Variants in GLCCI1 observed in about 807,000 individuals in gnomAD.
GLCCI1 encodes glucocorticoid induced 1.
A neutral mutation model predicts 52.2 loss-of-function variants in GLCCI1; 24 were observed. The ratio of observed to expected loss-of-function variants is 0.46; its 90% CI spans 0.33 to 0.65. The LOEUF (loss-of-function observed/expected upper bound fraction) is 0.65, where lower values mean the gene tolerates loss of function less well. Among genes scored for constraint, GLCCI1 ranks in the 30% least tolerant of loss-of-function variants. The probability of loss-of-function intolerance (pLI) is 0.02; values close to 1 mark genes in which losing one functional copy is unlikely to be tolerated. For synonymous variants in GLCCI1, 310 were observed against 276.5 expected (o/e 1.12, Z -1.20); for missense variants, 704 against 701.5 (o/e 1.00, Z -0.04).
intron 2 of GLCCI1, among the ~76,000 whole-genome samples, chr7:8,010,628 A>T (rs1315610227): frequency 6.6e-6 from 1 of 152,226 alleles, no homozygotes; most frequent in Non-Finnish European, 1.5e-5. Context: ...TTGTTTTAAA[A>T]ATAATGCTTT....
At chr7:8,050,205 C>T (rs1343796321) in intron 3 of GLCCI1, among the ~76,000 whole-genome samples, 1 of 152,040 alleles carries the variant, frequency 6.6e-6, no homozygotes, top group Non-Finnish European at 1.5e-5. Flanking sequence ...AGATGACCCT[C>T]CCTGTGTATA....
In GLCCI1 at chr7:8,070,962, T is replaced by C; in HGVS notation, c.1008T>C (p.Ala336=). 1.9e-6 allele frequency: 3 copies of C among 1,614,194 alleles called. No homozygotes were observed. Among genetic ancestry groups the C allele is most frequent in the Non-Finnish European group, 2.5e-6 (3 of 1,180,028 alleles). The part of the protein sequence containing the change: ...IPDGRRAPLP[A]HYRSSSTRSI... ...ATGGTCGAAGAGCTCCACTTCCTGCTCATTACCGGAGCAGTAGTACTCGCA... is the reference window on the plus strand; with the variant it reads ...ATGGTCGAAGAGCTCCACTTCCTGCCCATTACCGGAGCAGTAGTACTCGCA... Residue 336 remains alanine (A), a synonymous_variant, in exon 6 of 8, where the codon GCT becomes GCC. Transcript: ENST00000223145.
At chr7:8,052,295 G>C (rs1170360909) in intron 3 of GLCCI1, among the ~76,000 whole-genome samples, 2 of 152,128 alleles carry the variant, frequency 1.3e-5, no homozygotes, top group Non-Finnish European at 2.9e-5. Flanking sequence ...CCTAGGGCAG[G>C]TTATCTTTAA....
At chr7:8,067,077 C>T (rs772856256) in intron 5 of GLCCI1, among the ~76,000 whole-genome samples, 3 of 152,184 alleles carry the variant, frequency 2.0e-5, no homozygotes, top group Admixed American at 6.5e-5. Flanking sequence ...GTGTTGGGTG[C>T]ATATATATTT....
At chr7:8,079,292 T>A (rs1347881056) in intron 6 of GLCCI1, among the ~76,000 whole-genome samples, 1 of 151,802 alleles carries the variant, frequency 6.6e-6, no homozygotes, top group Non-Finnish European at 1.5e-5. Context: ...TTTGTTTTTT[T>A]AAAAACTGAT....
intron 3 of GLCCI1, among the ~76,000 whole-genome samples, chr7:8,045,418 C>T (rs2127956012): frequency 6.6e-6 from 1 of 152,234 alleles, no homozygotes; most frequent in Admixed American, 6.5e-5. Flanking sequence ...GTGGCCCCAG[C>T]TGGAATTGGT....
At chr7:8,077,056 C>T (rs1459298108) in intron 6 of GLCCI1, among the ~76,000 whole-genome samples, 1 of 151,870 alleles carries the variant, frequency 6.6e-6, no homozygotes, top group South Asian at 2.1e-4. Context: ...GGAAAGAGGC[C>T]ATGAAGTTCA....
intron 1 of GLCCI1, among the ~76,000 whole-genome samples, chr7:7,993,402 C>A (rs1010482438): frequency 6.6e-6 from 1 of 152,164 alleles, no homozygotes. Flanking sequence ...AGTAATTTCT[C>A]TTTACTGTTG....
intron 3 of GLCCI1, among the ~76,000 whole-genome samples, chr7:8,054,741 G>C (rs1325813459): frequency 2.0e-5 from 3 of 151,900 alleles, no homozygotes; most frequent in Non-Finnish European, 4.4e-5. Context: ...CCCCCAATTT[G>C]TTAATGGTTT....
intron 6 of GLCCI1, among the ~76,000 whole-genome samples, chr7:8,083,270 T>C (rs1474188371): frequency 1.3e-5 from 2 of 150,494 alleles, no homozygotes; most frequent in African/African-American, 2.5e-5. Flanking sequence ...TGATCTCATA[T>C]ATTTCCTTTG....
chr7:7,985,290 A>G (rs1003208308), intron 1 of GLCCI1, among the ~76,000 whole-genome samples: 1 of 152,076 alleles, frequency 6.6e-6, no homozygotes, highest in African/African-American at 2.4e-5. Flanking sequence ...GAAAGAGAGT[A>G]ATAGCATGCG....
intron 3 of GLCCI1, among the ~76,000 whole-genome samples, chr7:8,052,094 C>T (rs960229981): frequency 2.0e-5 from 3 of 152,098 alleles, no homozygotes; most frequent in Non-Finnish European, 4.4e-5. Flanking sequence ...GTAGATGTAG[C>T]CCCATTAGCA....
intron 3 of GLCCI1, among the ~76,000 whole-genome samples, chr7:8,033,132 A>G (rs978033464): frequency 6.6e-6 from 1 of 152,086 alleles, no homozygotes; most frequent in East Asian, 1.9e-4. Context: ...AATTATATTA[A>G]TAGAATAAAG....
intron 3 of GLCCI1, among the ~76,000 whole-genome samples, chr7:8,029,281 A>G (rs1289937382): frequency 6.6e-6 from 1 of 152,230 alleles, no homozygotes; most frequent in Non-Finnish European, 1.5e-5. Flanking sequence ...TATCCCAGGG[A>G]TGCAAAGATG....
rs555633672 is a variant in GLCCI1 at position 8,023,553 on chromosome 7, C to T, written c.696+984C>T. On this transcript the variant is annotated intron_variant, in intron 3 of 7. Coordinates refer to ENST00000223145, the MANE Select transcript of GLCCI1 (RefSeq NM_138426.4). ...ATCCAGCCAATCTCCTAAATAAATA[C>T]TCCTTAAAAAGATGGTCATCTAATC... Among the ~76,000 whole-genome samples, 473 of 140,962 alleles carry T rather than the reference C, an allele frequency of 3.4e-3. 8 individuals carry two copies. The highest frequency in any genetic ancestry group is 0.03 in the Admixed American group (414 of 13,684). The allele number at this position is 140,962 out of a possible 152,430, so 92.5% of individuals were successfully genotyped here. A position where few individuals can be genotyped will look rare whatever the true frequency, so the allele number is the denominator to read the frequency against.
chr7:8,082,315 A>T (rs1331604338), intron 6 of GLCCI1, among the ~76,000 whole-genome samples: 1 of 152,200 alleles, frequency 6.6e-6, no homozygotes, highest in Non-Finnish European at 1.5e-5. Flanking sequence ...TGTTAGAACT[A>T]TTAAAGAAAA....
chr7:7,992,249 A>G (rs1169880773), intron 1 of GLCCI1, among the ~76,000 whole-genome samples: 2 of 151,892 alleles, frequency 1.3e-5, no homozygotes, highest in East Asian at 1.9e-4. Context: ...TAATTTTACT[A>G]TCCTTCTATG....
At chr7:8,055,940 C>T (rs972636003) in intron 4 of GLCCI1, among the ~76,000 whole-genome samples, 22 of 150,814 alleles carry the variant, frequency 1.5e-4, no homozygotes, top group African/African-American at 5.4e-4. Context: ...TTGCAGTGAG[C>T]CAAGATCGCG....
intron 1 of GLCCI1, among the ~76,000 whole-genome samples, chr7:7,986,952 C>T (rs936129700): frequency 1.3e-5 from 2 of 152,128 alleles, no homozygotes; most frequent in African/African-American, 4.8e-5. Flanking sequence ...GCATTCTTTC[C>T]ATGTCCTAAT....
Sources: gnomAD v4.1 joint callset for allele counts (sites outside exome capture counted in the v4.1 genomes callset) on GRCh38, gnomAD v4.1.1 for gene constraint, MANE v1.5 for transcripts, NCBI Gene and HGNC (gene_info 2026-07-23, HGNC 2026-07-21) for gene names.